KCNH1: variants seen among roughly 807,000 people sequenced by gnomAD.
KCNH1 encodes voltage-gated delayed rectifier potassium channel KCNH1.
KCNH1 carries 27 observed loss-of-function variants against 69.2 expected under a neutral mutation model. That is an observed-to-expected ratio of 0.39 (90% CI 0.29 to 0.54). KCNH1 has a LOEUF of 0.54. Among genes scored for constraint, KCNH1 ranks in the 20% least tolerant of loss-of-function variants. The probability of loss-of-function intolerance (pLI) is 0.68; values close to 1 mark genes in which losing one functional copy is unlikely to be tolerated. For synonymous variants in KCNH1, 456 were observed against 487.7 expected, an observed-to-expected ratio of 0.93 and a Z score of 0.86; for missense variants, 798 against 1,261.6, an observed-to-expected ratio of 0.63 and a Z score of 5.57.
chr1:210,938,950 A>G (rs926780183), intron 6 of KCNH1, among the ~76,000 whole-genome samples: 1 of 152,172 alleles, frequency 6.6e-6, no homozygotes, highest in Non-Finnish European at 1.5e-5. Context: ...GAAACTGTGA[A>G]TCAGATATCA....
chr1:210,925,804 C>G (rs116752057), intron 6 of KCNH1, among the ~76,000 whole-genome samples: 1 of 152,186 alleles, frequency 6.6e-6, no homozygotes, highest in Non-Finnish European at 1.5e-5. Flanking sequence ...CCCTGGTAAC[C>G]AAAGGTCATA....
At chr1:211,023,000 A>G (rs1308312643) in intron 5 of KCNH1, among the ~76,000 whole-genome samples, 3 of 151,904 alleles carry the variant, frequency 2.0e-5, no homozygotes, top group Non-Finnish European at 4.4e-5. Context: ...AATCCTAGCT[A>G]CTCAGGAGGC....
Position 211,133,959 on chromosome 1 carries a change from C to T in KCNH1, c.-14G>A. Reference sequence around the variant, plus strand: ...AGCCATGGTCATCCTCCCAGCAGCTCGGGGTCCGGCGGGCGTCCTGGCGCG... The same window carrying T: ...AGCCATGGTCATCCTCCCAGCAGCTTGGGGTCCGGCGGGCGTCCTGGCGCG... On this transcript the variant is annotated 5_prime_UTR_variant, in exon 1 of 11. Coordinates refer to ENST00000271751, the MANE Select transcript of KCNH1 (RefSeq NM_172362.3). This position sits in a 1 kb window ranked among gnomAD's most constrained non-coding sequence, Gnocchi z 5.4. The T allele has an allele frequency of 6.2e-7, 1 of 1,604,248 alleles. No homozygotes were observed. The highest frequency in any genetic ancestry group is 8.5e-7 in the Non-Finnish European group (1 of 1,174,862).
intron 5 of KCNH1, among the ~76,000 whole-genome samples, chr1:211,049,653 G>A (rs1338730627): frequency 6.6e-6 from 1 of 152,206 alleles, no homozygotes; most frequent in Non-Finnish European, 1.5e-5. Flanking sequence ...CTGGGCAGCA[G>A]TGTGGAGGAG....
chr1:210,957,393 G>C (rs1688199727), intron 6 of KCNH1, among the ~76,000 whole-genome samples: 1 of 152,154 alleles, frequency 6.6e-6, no homozygotes, highest in Admixed American at 6.5e-5. Flanking sequence ...ATATTCTGTT[G>C]ATTTGGGGTG....
intron 5 of KCNH1, among the ~76,000 whole-genome samples, chr1:211,038,381 T>TA (rs1689935741): frequency 1.3e-5 from 2 of 152,184 alleles, no homozygotes; most frequent in Non-Finnish European, 2.9e-5. Context: ...GGTATGTCTT[T>TA]ATCAGCAGCA....
chr1:211,077,566 T>A (rs1457702293), intron 5 of KCNH1, among the ~76,000 whole-genome samples: 1 of 152,072 alleles, frequency 6.6e-6, no homozygotes, highest in Non-Finnish European at 1.5e-5. Context: ...CCTGAGAGAT[T>A]TTGTCACCAC....
intron 10 of KCNH1, among the ~76,000 whole-genome samples, chr1:210,728,741 A>C (rs904038996): frequency 1.3e-5 from 2 of 152,272 alleles, no homozygotes; most frequent in Non-Finnish European, 2.9e-5. Flanking sequence ...AAGGAAAAGC[A>C]GGCTTGAATA....
intron 7 of KCNH1, among the ~76,000 whole-genome samples, chr1:210,812,423 A>G (rs1032397883): frequency 2.0e-5 from 3 of 152,140 alleles, no homozygotes; most frequent in Non-Finnish European, 4.4e-5. Flanking sequence ...GCCCTTTCCA[A>G]TCTCTGCTTT....
chr1:210,907,348 A>C (rs1021347206), intron 7 of KCNH1, among the ~76,000 whole-genome samples: 1 of 152,168 alleles, frequency 6.6e-6, no homozygotes, highest in Non-Finnish European at 1.5e-5. Flanking sequence ...GCCAATTGCC[A>C]AAGCAAAAGA....
intron 10 of KCNH1, among the ~76,000 whole-genome samples, chr1:210,753,975 C>T (rs1179559183): frequency 6.6e-6 from 1 of 150,890 alleles, no homozygotes; most frequent in African/African-American, 2.4e-5. Context: ...ACTGCAGCGG[C>T]GCTATCTTGG....
intron 6 of KCNH1, among the ~76,000 whole-genome samples, chr1:210,961,547 T>C (rs887662873): frequency 6.6e-6 from 1 of 152,192 alleles, no homozygotes; most frequent in Non-Finnish European, 1.5e-5. Flanking sequence ...ATATACAGAA[T>C]ACAGTTATAG....
intron 10 of KCNH1, among the ~76,000 whole-genome samples, chr1:210,735,258 C>T (rs1432605433): frequency 4.6e-5 from 7 of 152,192 alleles, no homozygotes; most frequent in African/African-American, 9.7e-5. Flanking sequence ...ACCTAGCGTA[C>T]ACCCCAGGCA....
intron 7 of KCNH1, among the ~76,000 whole-genome samples, chr1:210,813,613 T>C (rs1684754818): frequency 6.6e-6 from 1 of 152,234 alleles, no homozygotes; most frequent in Non-Finnish European, 1.5e-5. Flanking sequence ...TAATGTGATA[T>C]TGATGGAGTA....
At chr1:211,115,569 C>A (rs1220416548) in intron 1 of KCNH1, among the ~76,000 whole-genome samples, 1 of 151,816 alleles carries the variant, frequency 6.6e-6, no homozygotes, top group Admixed American at 6.6e-5. Flanking sequence ...GTGCTGGATG[C>A]TTCCTGCCCT....
chr1:211,059,154 C>T (rs1344313108), intron 5 of KCNH1, among the ~76,000 whole-genome samples: 1 of 151,908 alleles, frequency 6.6e-6, no homozygotes, highest in Non-Finnish European at 1.5e-5. Flanking sequence ...GTGGCATGTG[C>T]CTGTACTCCC....
At chr1:210,987,745 G>A (rs1455947826) in intron 6 of KCNH1, among the ~76,000 whole-genome samples, 2 of 152,220 alleles carry the variant, frequency 1.3e-5, no homozygotes, top group African/African-American at 2.4e-5. Flanking sequence ...CCCGCTTGAG[G>A]AGGCAGTCTG....
intron 7 of KCNH1, among the ~76,000 whole-genome samples, chr1:210,906,710 C>G (rs1041221650): frequency 3.9e-5 from 6 of 152,174 alleles, no homozygotes; most frequent in Non-Finnish European, 8.8e-5. Flanking sequence ...CTCTCACATT[C>G]ACTCGGATTC....
At chr1:210,714,849 T>C (rs954002185) in intron 10 of KCNH1, among the ~76,000 whole-genome samples, 4 of 152,228 alleles carry the variant, frequency 2.6e-5, no homozygotes, top group Non-Finnish European at 5.9e-5. Context: ...TGACTTGATT[T>C]ATGCAGTGCC....
Sources: gnomAD v4.1 joint callset for allele counts (sites outside exome capture counted in the v4.1 genomes callset) on GRCh38, gnomAD v4.1.1 for gene constraint, Gnocchi (gnomAD v3.1) non-coding constraint, MANE v1.5 for transcripts, NCBI Gene and HGNC (gene_info 2026-07-23, HGNC 2026-07-21) for gene names.